Variants in OR9Q1 observed in about 807,000 individuals in gnomAD.
OR9Q1 encodes olfactory receptor 9Q1.
For missense variants in OR9Q1, 374 were observed against 378.8 expected (o/e 0.99, Z 0.11); for synonymous variants, 153 against 148.6 (o/e 1.03, Z -0.22).
At chr11:58,121,603 C>T (rs1481051685) in intron 2 of OR9Q1, among the ~76,000 whole-genome samples, 5 of 152,184 alleles carry the variant, frequency 3.3e-5, no homozygotes, top group Non-Finnish European at 7.3e-5. Flanking sequence ...ATTTGCCTGG[C>T]CTCCTTAATC....
chr11:58,045,665 C>CT (rs1435486294), intron 1 of OR9Q1, among the ~76,000 whole-genome samples: 3 of 152,186 alleles, frequency 2.0e-5, no homozygotes, highest in Non-Finnish European at 2.9e-5. Context: ...GAAGTGTTAA[C>CT]TGAAGAGTCT....
chr11:58,119,090 C>A (rs774030898), intron 2 of OR9Q1: 2 of 1,613,784 alleles, frequency 1.2e-6, no homozygotes, highest in African/African-American at 2.7e-5. Context: ...CGATCATAGG[C>A]CATCACTGCC....
chr11:58,102,439 T>C (rs1342462996), intron 2 of OR9Q1, among the ~76,000 whole-genome samples: 1 of 152,194 alleles, frequency 6.6e-6, no homozygotes, highest in Non-Finnish European at 1.5e-5. Context: ...CTTAAGTATC[T>C]CTTGTAAGGC....
intron 2 of OR9Q1, among the ~76,000 whole-genome samples, chr11:58,084,626 G>T (rs1216883935): frequency 4.6e-5 from 7 of 151,846 alleles, no homozygotes; most frequent in African/African-American, 1.7e-4. Context: ...GGGTTGCAAG[G>T]CTGGTTCAAC....
chr11:58,032,993 C>A (rs1358983702), intron 1 of OR9Q1, among the ~76,000 whole-genome samples: 1 of 152,032 alleles, frequency 6.6e-6, no homozygotes, highest in Non-Finnish European at 1.5e-5. Flanking sequence ...TTGTAAACAA[C>A]CATATGAAAA....
intron 1 of OR9Q1, among the ~76,000 whole-genome samples, chr11:58,037,681 A>G (rs1590548058): frequency 8.3e-5 from 1 of 12,022 alleles, no homozygotes; most frequent in African/African-American, 2.4e-4. Context: ...ATATATATAT[A>G]TATATATATT....
intron 2 of OR9Q1, among the ~76,000 whole-genome samples, chr11:58,098,322 G>A (rs762026871): frequency 1.3e-5 from 2 of 152,024 alleles, no homozygotes; most frequent in Non-Finnish European, 2.9e-5. Flanking sequence ...TCTTGTTTTA[G>A]TTTATGAAAG....
intron 2 of OR9Q1, among the ~76,000 whole-genome samples, chr11:58,163,380 C>T (rs1854473507): frequency 6.6e-6 from 1 of 152,182 alleles, no homozygotes; most frequent in Non-Finnish European, 1.5e-5. Flanking sequence ...TGCAGATGGT[C>T]CCCACCTGTC....
intron 1 of OR9Q1, among the ~76,000 whole-genome samples, chr11:58,047,859 G>A (rs1370458717): frequency 6.6e-6 from 1 of 152,188 alleles, no homozygotes; most frequent in African/African-American, 2.4e-5. Flanking sequence ...ACCCCAGCCT[G>A]GTGACAGAGA....
chr11:58,034,947 C>G (rs1853086375), intron 1 of OR9Q1, among the ~76,000 whole-genome samples: 1 of 151,802 alleles, frequency 6.6e-6, no homozygotes, highest in Admixed American at 6.6e-5. Context: ...GCCACCTCGG[C>G]CTCCTGAGTA....
intron 2 of OR9Q1, among the ~76,000 whole-genome samples, chr11:58,115,081 C>G (rs1045202467): frequency 6.6e-6 from 1 of 152,076 alleles, no homozygotes; most frequent in African/African-American, 2.4e-5. Context: ...CTGGGATAAG[C>G]GTTCAGTTGT....
chr11:58,156,767 C>T (rs905476563), intron 2 of OR9Q1, among the ~76,000 whole-genome samples: 3 of 152,154 alleles, frequency 2.0e-5, no homozygotes, highest in African/African-American at 7.2e-5. Flanking sequence ...CTGTCTTTCT[C>T]TGTCACTTTG....
intron 2 of OR9Q1, among the ~76,000 whole-genome samples, chr11:58,126,621 G>A (rs1431392676): frequency 2.0e-5 from 3 of 152,170 alleles, no homozygotes; most frequent in African/African-American, 7.2e-5. Context: ...ACTCCTGGCA[G>A]TTAGCACAAG....
intron 2 of OR9Q1, chr11:58,073,135 C>T (rs192129258): frequency 1.4e-5 from 3 of 215,178 alleles, no homozygotes; most frequent in African/African-American, 2.3e-5. Flanking sequence ...GCAAATGGAT[C>T]AAAATCAGTA....
At chr11:58,080,301 G>A (rs935873962) in intron 2 of OR9Q1, among the ~76,000 whole-genome samples, 1 of 152,130 alleles carries the variant, frequency 6.6e-6, no homozygotes, top group Non-Finnish European at 1.5e-5. Flanking sequence ...CTGCATCCAT[G>A]TTGCGGCAAG....
chr11:58,086,863 G>C (rs1038449677), intron 2 of OR9Q1, among the ~76,000 whole-genome samples: 2 of 151,622 alleles, frequency 1.3e-5, no homozygotes, highest in Non-Finnish European at 2.9e-5. Context: ...GAGTAAATGG[G>C]GAAAAGGGAG....
intron 1 of OR9Q1, among the ~76,000 whole-genome samples, chr11:58,053,121 A>G (rs1366888746): frequency 6.6e-6 from 1 of 151,798 alleles, no homozygotes; most frequent in East Asian, 1.9e-4. Context: ...AGGACTATAA[A>G]TCATGCTGCT....
intron 2 of OR9Q1, among the ~76,000 whole-genome samples, chr11:58,141,890 C>G (rs1437761651): frequency 6.6e-6 from 1 of 152,162 alleles, no homozygotes; most frequent in Non-Finnish European, 1.5e-5. Context: ...GGACTTCTCT[C>G]TGTTATCAGA....
At chr11:58,161,158 G>T (rs373047798) in intron 2 of OR9Q1, among the ~76,000 whole-genome samples, 2 of 151,270 alleles carry the variant, frequency 1.3e-5, no homozygotes, top group East Asian at 1.9e-4. Flanking sequence ...ACGAGTTGAT[G>T]GTGCAGCAAA....
Sources: gnomAD v4.1 joint callset for allele counts (sites outside exome capture counted in the v4.1 genomes callset) on GRCh38, gnomAD v4.1.1 for gene constraint, MANE v1.5 for transcripts, NCBI Gene and HGNC (gene_info 2026-07-23, HGNC 2026-07-21) for gene names.